PPP2R5E: variants seen among roughly 807,000 people sequenced by gnomAD.
PPP2R5E encodes the protein protein phosphatase 2 regulatory subunit B'epsilon.
PPP2R5E carries 4 observed loss-of-function variants against 65.3 expected under a neutral mutation model. The observed-to-expected ratio is 0.06, with a 90% CI of 0.03 to 0.14. PPP2R5E has a LOEUF of 0.14. Ranked by LOEUF, PPP2R5E falls within the 10% of genes least tolerant of loss-of-function variation. PPP2R5E has a pLI of 1.00. For synonymous variants in PPP2R5E, 183 were observed against 187.4 expected (o/e 0.98, Z 0.19); for missense variants, 274 against 556.1 (o/e 0.49, Z 5.10).
At position 63,529,602 on chromosome 14, in the gene PPP2R5E, C is replaced by A. The variant is rs545234544; in HGVS notation, c.157+9927G>T. Among the ~76,000 whole-genome samples, 8 of 142,602 alleles carry A rather than the reference C, an allele frequency of 5.6e-5. 1 individual carries two copies. Among genetic ancestry groups the A allele is most frequent in the Middle Eastern group, 4.7e-3 (1 of 214 alleles). The allele number at this position is 142,602 out of a possible 152,430, so 93.6% of individuals were successfully genotyped here. A position where few individuals can be genotyped will look rare whatever the true frequency, so the allele number is the denominator to read the frequency against. On this transcript the variant is annotated intron_variant, in intron 2 of 13. Coordinates refer to ENST00000337537, the MANE Select transcript of PPP2R5E (RefSeq NM_006246.5). ...CCGTGTTAGCCAGGATGGTCTCGAT[C>A]TCCTGACCTCATGATCCACCAACCT...
At chr14:63,532,579 C>G (rs1239950310) in intron 2 of PPP2R5E, among the ~76,000 whole-genome samples, 2 of 152,124 alleles carry the variant, frequency 1.3e-5, no homozygotes, top group East Asian at 3.8e-4. Flanking sequence ...TCATATTATT[C>G]ATATTCTAAC....
chr14:63,514,635 C>T (rs919473579), intron 2 of PPP2R5E, among the ~76,000 whole-genome samples: 1 of 152,086 alleles, frequency 6.6e-6, no homozygotes, highest in Non-Finnish European at 1.5e-5. Flanking sequence ...TCCTTTCCTG[C>T]CTGAAAGGAG....
At chr14:63,445,857 T>A (rs77643149) in intron 3 of PPP2R5E, among the ~76,000 whole-genome samples, 6 of 149,076 alleles carry the variant, frequency 4.0e-5, no homozygotes, top group South Asian at 2.1e-4. Context: ...AAAAAAAAAA[T>A]GACAATGAAG....
chr14:63,499,762 T>C (rs1891765638), intron 2 of PPP2R5E, among the ~76,000 whole-genome samples: 2 of 152,062 alleles, frequency 1.3e-5, no homozygotes, highest in African/African-American at 2.4e-5. Flanking sequence ...CAAGGAATTT[T>C]TGCTCTGGAT....
intron 11 of PPP2R5E, among the ~76,000 whole-genome samples, chr14:63,387,054 A>G (rs1884716960): frequency 6.6e-6 from 1 of 152,188 alleles, no homozygotes; most frequent in Non-Finnish European, 1.5e-5. Flanking sequence ...GGACGAGGAC[A>G]ATGTGTTTGG....
chr14:63,530,329 T>C, intron 2 of PPP2R5E, among the ~76,000 whole-genome samples: 1 of 147,578 alleles, frequency 6.8e-6, no homozygotes, highest in East Asian at 2.1e-4. Context: ...GCCTCCCGGA[T>C]TCAAGCGATT....
At chr14:63,460,236 C>A (rs1889377320) in intron 2 of PPP2R5E, among the ~76,000 whole-genome samples, 1 of 152,182 alleles carries the variant, frequency 6.6e-6, no homozygotes, top group Non-Finnish European at 1.5e-5. Context: ...GGTGTAGCCA[C>A]TATTAATATC....
chr14:63,487,571 A>T (rs1891058868), intron 2 of PPP2R5E, among the ~76,000 whole-genome samples: 1 of 152,250 alleles, frequency 6.6e-6, no homozygotes, highest in Non-Finnish European at 1.5e-5. Context: ...TCTGAAAAGC[A>T]TTCAGAGACT....
chr14:63,393,756 CA>C, intron 8 of PPP2R5E, 63 bp downstream of exon 8: 3 of 1,165,438 alleles, frequency 2.6e-6, no homozygotes, highest in Non-Finnish European at 2.5e-6. Flanking sequence ...ATATCAATAT[CA>C]AAAAAACGAG....
chr14:63,382,949 T>G (rs898490209), intron 12 of PPP2R5E, among the ~76,000 whole-genome samples: 1 of 152,166 alleles, frequency 6.6e-6, no homozygotes, highest in Admixed American at 6.5e-5. Flanking sequence ...AAATTATTCT[T>G]ATCCAAAGAA....
At chr14:63,384,961 T>C (rs1022338406) in intron 11 of PPP2R5E, among the ~76,000 whole-genome samples, 1 of 152,038 alleles carries the variant, frequency 6.6e-6, no homozygotes, top group Non-Finnish European at 1.5e-5. Flanking sequence ...CCCAAAAGTG[T>C]TGGGATTACA....
At chr14:63,542,125 A>G (rs554128368) in intron 1 of PPP2R5E, among the ~76,000 whole-genome samples, 1 of 152,190 alleles carries the variant, frequency 6.6e-6, no homozygotes, top group African/African-American at 2.4e-5. Context: ...TCATCTCTAC[A>G]GACGATATAT....
At chr14:63,507,952 T>C (rs1892288842) in intron 2 of PPP2R5E, among the ~76,000 whole-genome samples, 1 of 152,188 alleles carries the variant, frequency 6.6e-6, no homozygotes, top group Non-Finnish European at 1.5e-5. Flanking sequence ...TAGGGATTTA[T>C]CATAAACCCA....
At chr14:63,380,531 G>A (rs992514252) in intron 13 of PPP2R5E, among the ~76,000 whole-genome samples, 8 of 151,968 alleles carry the variant, frequency 5.3e-5, no homozygotes, top group South Asian at 4.2e-4. Flanking sequence ...GCGTGGTGGC[G>A]GGTGCTTGTA....
chr14:63,399,523 G>A (rs539169740), intron 5 of PPP2R5E, among the ~76,000 whole-genome samples: 4 of 151,806 alleles, frequency 2.6e-5, no homozygotes, highest in African/African-American at 9.7e-5. Context: ...GGATTTCTTT[G>A]AGGGATGATA....
intron 10 of PPP2R5E, 133 bp downstream of exon 10, chr14:63,391,684 A>T (rs1280007190): frequency 1.1e-6 from 1 of 944,974 alleles, no homozygotes; most frequent in Admixed American, 2.6e-5. Flanking sequence ...CGGCCTCCCA[A>T]AGTGCTGGGA....
chr14:63,495,963 T>C (rs1311878238), intron 2 of PPP2R5E, among the ~76,000 whole-genome samples: 4 of 152,148 alleles, frequency 2.6e-5, no homozygotes, highest in Admixed American at 6.5e-5. Context: ...AGCGCTGGGA[T>C]TACAGGCGTG....
At chr14:63,535,850 T>C (rs1893654377) in intron 2 of PPP2R5E, among the ~76,000 whole-genome samples, 1 of 152,238 alleles carries the variant, frequency 6.6e-6, no homozygotes, top group Admixed American at 6.5e-5. Flanking sequence ...GTGTTTATCC[T>C]GGTTTCTCTT....
intron 2 of PPP2R5E, among the ~76,000 whole-genome samples, chr14:63,500,590 CTGGGTGG>C (rs1891824239): frequency 6.6e-6 from 1 of 152,136 alleles, no homozygotes; most frequent in Non-Finnish European, 1.5e-5. Flanking sequence ...TGACAGATCC[CTGGGTGG>C]GCACAGCGGG....
Sources: gnomAD v4.1 joint callset for allele counts (sites outside exome capture counted in the v4.1 genomes callset) on GRCh38, gnomAD v4.1.1 for gene constraint, MANE v1.5 for transcripts, NCBI Gene and HGNC (gene_info 2026-07-23, HGNC 2026-07-21) for gene names.